DNAH17: variants seen among roughly 807,000 people sequenced by gnomAD.
DNAH17 encodes dynein axonemal heavy chain 17, also known as axonemal beta dynein heavy chain 17.
Under a neutral mutation model 485.6 loss-of-function variants are expected in DNAH17, and 376 were observed. That is an observed-to-expected ratio of 0.77 (90% CI 0.71 to 0.84). The LOEUF (loss-of-function observed/expected upper bound fraction) is 0.84, where lower values mean the gene tolerates loss of function less well. Among genes scored for constraint, DNAH17 ranks in the 40% least tolerant of loss-of-function variants. The probability of loss-of-function intolerance (pLI) is 0.00; values close to 1 mark genes in which losing one functional copy is unlikely to be tolerated. For synonymous variants in DNAH17, 3,031 were observed against 2,405.9 expected, an observed-to-expected ratio of 1.26 and a Z score of -7.60; for missense variants, 6,370 against 5,839.3, an observed-to-expected ratio of 1.09 and a Z score of -2.96.
At chr17:78,569,578 T>TTTA in intron 7 of DNAH17, 51 bp from the exon 8 acceptor site, 1 of 1,567,640 alleles carries the variant, frequency 6.4e-7, no homozygotes, top group Non-Finnish European at 8.6e-7. Context: ...CCATTTGGGG[T>TTTA]GACGTCCAGG....
intron 75 of DNAH17, among the ~76,000 whole-genome samples, chr17:78,432,905 C>CCCCCCCCCG (rs2086728287): frequency 8.7e-6 from 1 of 115,070 alleles, no homozygotes; most frequent in East Asian, 3.6e-4. Context: ...CAAACGTGCC[C>CCCCCCCCCG]CCCCCCCCCG....
chr17:78,475,477 A>G lies in DNAH17; in HGVS notation c.8320-8T>C. 6.2e-7 allele frequency: 1 copy of G among 1,613,632 alleles called. No homozygotes were observed. The highest frequency in any genetic ancestry group is 1.3e-5 in the African/African-American group (1 of 75,036). On this transcript the variant is annotated splice_region_variant and splice_polypyrimidine_tract_variant and intron_variant, in intron 53 of 80. Coordinates refer to ENST00000389840, the MANE Select transcript of DNAH17 (RefSeq NM_173628.4). ...GGCGTCCTCAAACAGCACCTGCAGA[A>G]ACCGGAGAGATCCCACAACATCTTG... is the stretch of plus-strand genomic sequence containing the variant.
intron 35 of DNAH17, 43 bp downstream of exon 35, chr17:78,501,141 A>G (rs2146716027): frequency 6.6e-7 from 1 of 1,526,328 alleles, no homozygotes; most frequent in Non-Finnish European, 8.9e-7. Flanking sequence ...TGCGGAAGGG[A>G]CCCACCAAGA....
intron 31 of DNAH17, 34 bp downstream of exon 31, chr17:78,505,259 C>T: frequency 1.2e-6 from 2 of 1,612,364 alleles, no homozygotes; most frequent in South Asian, 2.2e-5. Flanking sequence ...CACCCTTGTC[C>T]TGGGTTCCCT....
chr17:78,546,605 T>C lies in DNAH17; in HGVS notation c.2392-2608A>G, dbSNP rs549200199. ...TTAAGTCTTTTAAATGTTTCTCTAA[T>C]TTTGGAAATAAAAATTGCAGCTGGG... On this transcript the variant is annotated intron_variant, in intron 16 of 80. Transcript: ENST00000389840. Among the ~76,000 whole-genome samples the C allele has an allele frequency of 6.1e-4, 93 of 152,222 alleles. 3 individuals are homozygous for C. The highest frequency in any genetic ancestry group is 1.0e-4 in the Non-Finnish European group (7 of 68,046).
At chr17:78,548,426 G>A (rs1426440657) in intron 16 of DNAH17, among the ~76,000 whole-genome samples, 3 of 151,912 alleles carry the variant, frequency 2.0e-5, no homozygotes, top group East Asian at 1.9e-4. Flanking sequence ...GGATGGTCTC[G>A]ATCTCCTGAC....
At chr17:78,499,597 C>G (rs2090200451) in intron 36 of DNAH17, 1 of 152,568 alleles carries the variant, frequency 6.6e-6, no homozygotes. Context: ...GATGTTAAGT[C>G]CCTTCCAGGG....
In DNAH17 at chr17:78,570,934, C is replaced by T. The variant is rs372315157; in HGVS notation, c.918+14G>A. The T allele has an allele frequency of 6.4e-6, 10 of 1,572,180 alleles. No individual in the cohort carries two copies. The East Asian group carries it at 2.1e-4, about 33-fold the overall frequency. ...ACCCTCCCCACCAAAGCCGGCTCTC[C>T]CTTGCCTGCGCACCATCGTGAAGTC... is the stretch of plus-strand genomic sequence containing the variant. On this transcript the variant is annotated intron_variant, in intron 6 of 80. Coordinates refer to ENST00000389840, the MANE Select transcript of DNAH17 (RefSeq NM_173628.4).
chr17:78,529,838 C>A (rs2091182710), intron 21 of DNAH17, 144 bp from the exon 22 acceptor site: 2 of 772,060 alleles, frequency 2.6e-6, no homozygotes, highest in South Asian at 1.8e-5. Context: ...AGCGCCCCTG[C>A]CCACCTTGGA....
intron 27 of DNAH17, among the ~76,000 whole-genome samples, chr17:78,508,497 G>A (rs9902816): frequency 0.2 from 30,874 of 152,076 alleles, 3,330 homozygotes; most frequent in East Asian, 0.37. Context: ...AGAAAACTTG[G>A]ATTTAAATAA....
chr17:78,461,130 C>T (rs2088102134), intron 58 of DNAH17, among the ~76,000 whole-genome samples: 1 of 152,084 alleles, frequency 6.6e-6, no homozygotes, highest in Admixed American at 6.5e-5. Flanking sequence ...CGGGGGGGGC[C>T]CGGAGCCGCA....
At chr17:78,572,571 G>T in intron 3 of DNAH17, 130 bp downstream of exon 3, 2 of 876,856 alleles carry the variant, frequency 2.3e-6, no homozygotes, top group Non-Finnish European at 3.4e-6. Flanking sequence ...CATTTCCCCG[G>T]CTTTAACATG....
At chr17:78,443,644 G>T (rs935483231) in intron 71 of DNAH17, among the ~76,000 whole-genome samples, 1 of 152,126 alleles carries the variant, frequency 6.6e-6, no homozygotes, top group African/African-American at 2.4e-5. Flanking sequence ...CCACCTCCCG[G>T]GCTCAACCAA....
At chr17:78,576,611 T>TC (rs1341391821) in intron 1 of DNAH17, among the ~76,000 whole-genome samples, 5 of 152,092 alleles carry the variant, frequency 3.3e-5, no homozygotes, top group Admixed American at 6.5e-5. Flanking sequence ...CGTCGTCATT[T>TC]CCTAGGGGGA....
intron 14 of DNAH17, among the ~76,000 whole-genome samples, chr17:78,555,364 A>G (rs1046973796): frequency 6.6e-6 from 1 of 152,014 alleles, no homozygotes; most frequent in Non-Finnish European, 1.5e-5. Flanking sequence ...TGACTAAATC[A>G]TGGTGCTCCT....
rs530868402 is a variant in DNAH17 at position 78,561,036 on chromosome 17, C to T, written c.1836-101G>A. The T allele has an allele frequency of 5.5e-5, 63 of 1,146,792 alleles. No homozygotes were observed. In the South Asian group the frequency reaches 7.7e-4, roughly 14 times the overall value. The allele number at this position is 1,146,792 out of a possible 1,614,324, so 71.0% of individuals were successfully genotyped here. A position where few individuals can be genotyped will look rare whatever the true frequency, so the allele number is the denominator to read the frequency against. On this transcript the variant is annotated intron_variant, in intron 12 of 80. Transcript: ENST00000389840. The stretch of plus-strand genomic sequence containing the variant: ...GCCCGATCTGGGGTGCCGAAGCGGC[C>T]GGCCACCCAATTACTCGAGGCTCAC...
In DNAH17 at chr17:78,538,205, G is replaced by A. The variant is rs376336655; in HGVS notation, c.2677-724C>T. On this transcript the variant is annotated intron_variant, in intron 18 of 80. Transcript: ENST00000389840. ...TCCATTGTTCTGGGTTACTACAGGG[G>A]CTAAATGAATCACTGACACACAAAG... 9.9e-4 allele frequency among the ~76,000 whole-genome samples: 149 copies of A among 151,038 alleles called. 1 individual carries two copies. The highest frequency in any genetic ancestry group is 3.5e-3 in the African/African-American group (145 of 41,114).
intron 74 of DNAH17, among the ~76,000 whole-genome samples, chr17:78,435,184 C>T (rs567754406): frequency 5.6e-4 from 86 of 152,284 alleles, no homozygotes; most frequent in East Asian, 2.3e-3. Flanking sequence ...GCAGTGAACA[C>T]GTGGAGAGCC....
chr17:78,574,823 A>G lies in DNAH17; in HGVS notation c.235T>C (p.Phe79Leu). 6.2e-7 allele frequency: 1 copy of G among 1,614,030 alleles called. No homozygotes were observed. The highest frequency in any genetic ancestry group is 8.5e-7 in the Non-Finnish European group (1 of 1,179,898). ...PQSLKSKGVY[F>L]IKTKSENINK... is the part of the protein sequence containing the mutation. The stretch of plus-strand genomic sequence containing the variant: ...ATGTTCTCGGACTTTGTCTTGATGA[A>G]GTAAACCCCTTTGGACTTGAGGGAC... Residue 79 changes from phenylalanine to leucine, a missense_variant, in exon 2 of 81, where the codon TTC becomes CTC. Phe to Leu is a conservative substitution (Grantham distance 22, BLOSUM62 0). Coordinates refer to ENST00000389840, the MANE Select transcript of DNAH17 (RefSeq NM_173628.4).
Sources: gnomAD v4.1 joint callset for allele counts (sites outside exome capture counted in the v4.1 genomes callset) on GRCh38, gnomAD v4.1.1 for gene constraint, MANE v1.5 for transcripts, NCBI Gene and HGNC (gene_info 2026-07-23, HGNC 2026-07-21) for gene names.